Variants in BBS9 observed in about 807,000 individuals in gnomAD.
BBS9 encodes the protein Bardet-Biedl syndrome 9, also known as protein PTHB1.
BBS9 carries 89 observed loss-of-function variants against 117.7 expected under a neutral mutation model. That is an observed-to-expected ratio of 0.76 (90% confidence interval 0.64 to 0.90). The LOEUF (loss-of-function observed/expected upper bound fraction) is 0.90, where lower values mean the gene tolerates loss of function less well. Among genes scored for constraint, BBS9 ranks in the 40% least tolerant of loss-of-function variants. The probability of loss-of-function intolerance (pLI) is 0.00; values close to 1 mark genes in which losing one functional copy is unlikely to be tolerated. For synonymous variants in BBS9, 379 were observed against 370.9 expected (o/e 1.02, Z -0.25); for missense variants, 982 against 1,042.2 (o/e 0.94, Z 0.80).
intron 19 of BBS9, among the ~76,000 whole-genome samples, chr7:33,459,220 T>C (rs1034616996): frequency 6.6e-6 from 1 of 152,096 alleles, no homozygotes; most frequent in East Asian, 1.9e-4. Flanking sequence ...ATTGTTCTGC[T>C]TGTTTTAACT....
At chr7:33,227,161 C>G (rs1331170876) in intron 5 of BBS9, among the ~76,000 whole-genome samples, 1 of 146,152 alleles carries the variant, frequency 6.8e-6, no homozygotes, top group African/African-American at 2.5e-5. Context: ...TTACAGCCAT[C>G]AATTTTTTTT....
intron 20 of BBS9, 28 bp from the exon 21 acceptor site, chr7:33,533,926 T>G (rs776012420): frequency 6.2e-7 from 1 of 1,611,362 alleles, no homozygotes; most frequent in Non-Finnish European, 8.5e-7. Context: ...CATCTTTGTA[T>G]TAATTCAAAA....
chr7:33,322,899 T>G (rs1400445233), intron 9 of BBS9, among the ~76,000 whole-genome samples: 1 of 152,174 alleles, frequency 6.6e-6, no homozygotes, highest in African/African-American at 2.4e-5. Context: ...CTAGTACTGC[T>G]TTTGCTGTAT....
At chr7:33,357,051 G>A (rs1394221215) in intron 15 of BBS9, among the ~76,000 whole-genome samples, 1 of 151,698 alleles carries the variant, frequency 6.6e-6, no homozygotes, top group Non-Finnish European at 1.5e-5. Context: ...AGCCTAATTT[G>A]CTTTGGTTTC....
chr7:33,266,267 G>A (rs770989055), intron 7 of BBS9, among the ~76,000 whole-genome samples: 2 of 152,150 alleles, frequency 1.3e-5, no homozygotes, highest in African/African-American at 2.4e-5. Flanking sequence ...TAGTCACTTT[G>A]CAGGAATGTG....
intron 15 of BBS9, among the ~76,000 whole-genome samples, chr7:33,355,597 C>T (rs1173358976): frequency 1.3e-5 from 2 of 151,954 alleles, no homozygotes; most frequent in East Asian, 1.9e-4. Context: ...ATGAAACAGG[C>T]TTATAATTCC....
At chr7:33,338,835 A>G (rs992066440) in intron 10 of BBS9, among the ~76,000 whole-genome samples, 4 of 152,216 alleles carry the variant, frequency 2.6e-5, no homozygotes, top group African/African-American at 9.6e-5. Flanking sequence ...TGATTTAGAT[A>G]GTTGATCATG....
intron 19 of BBS9, among the ~76,000 whole-genome samples, chr7:33,439,757 G>C (rs1835877051): frequency 1.3e-5 from 2 of 152,178 alleles, no homozygotes; most frequent in Non-Finnish European, 2.9e-5. Flanking sequence ...TCGATCTCCT[G>C]ACCTCGTGGT....
At chr7:33,263,971 T>G (rs1174982429) in intron 6 of BBS9, among the ~76,000 whole-genome samples, 1 of 152,066 alleles carries the variant, frequency 6.6e-6, no homozygotes, top group Non-Finnish European at 1.5e-5. Flanking sequence ...GTCTATTTGG[T>G]GTTTAGGTGC....
chr7:33,535,581 C>G (rs1851241191), intron 21 of BBS9, among the ~76,000 whole-genome samples: 1 of 152,184 alleles, frequency 6.6e-6, no homozygotes, highest in South Asian at 2.1e-4. Flanking sequence ...TTTAGAACCT[C>G]TTTATCTTGC....
At chr7:33,420,888 T>C (rs1049029486) in intron 19 of BBS9, among the ~76,000 whole-genome samples, 6 of 152,166 alleles carry the variant, frequency 3.9e-5, no homozygotes, top group African/African-American at 1.4e-4. Context: ...AAGGTGAAAG[T>C]TTTTCTTCAC....
chr7:33,229,136 A>G (rs1240921545), intron 5 of BBS9, among the ~76,000 whole-genome samples: 1 of 152,168 alleles, frequency 6.6e-6, no homozygotes, highest in East Asian at 1.9e-4. Flanking sequence ...TACTATAGTG[A>G]AACAAATTAA....
At chr7:33,382,411 G>T (rs1825215143) in intron 17 of BBS9, among the ~76,000 whole-genome samples, 1 of 148,214 alleles carries the variant, frequency 6.7e-6, no homozygotes, top group Non-Finnish European at 1.5e-5. Flanking sequence ...AGTGAACTGA[G>T]ATCATGCCAC....
intron 21 of BBS9, among the ~76,000 whole-genome samples, chr7:33,551,100 G>A (rs1457268177): frequency 6.6e-6 from 1 of 152,100 alleles, no homozygotes; most frequent in East Asian, 1.9e-4. Flanking sequence ...TTTAGTACAG[G>A]TGTTTGCTTG....
intron 6 of BBS9, among the ~76,000 whole-genome samples, chr7:33,259,043 C>T (rs563595581): frequency 6.6e-6 from 1 of 152,084 alleles, no homozygotes; most frequent in South Asian, 2.1e-4. Context: ...AGAAGGTTTA[C>T]AACATTAAGT....
intron 21 of BBS9, among the ~76,000 whole-genome samples, chr7:33,565,528 T>A (rs1372756613): frequency 6.6e-6 from 1 of 151,994 alleles, no homozygotes; most frequent in African/African-American, 2.4e-5. Flanking sequence ...CTTTTGTTGT[T>A]TATCTTGGTT....
In BBS9 at chr7:33,338,859, A is replaced by C. The variant is rs117367650; in HGVS notation, c.1199-2038A>C. Among the ~76,000 whole-genome samples the C allele has an allele frequency of 3.6e-3, 544 of 152,324 alleles. 6 individuals are homozygous for C. The highest frequency in any genetic ancestry group is 5.8e-3 in the South Asian group (28 of 4,830). On this transcript the variant is annotated intron_variant, in intron 10 of 22. Transcript: ENST00000242067. ...TAGTTGATCATGTTGTCTACCTGGC[A>C]TGAGTATGAAGGACTGGGTGCAACA...
intron 21 of BBS9, among the ~76,000 whole-genome samples, chr7:33,569,748 C>T (rs1310969251): frequency 4.0e-5 from 6 of 151,848 alleles, no homozygotes; most frequent in African/African-American, 1.2e-4. Context: ...GGTGACAGAG[C>T]GAAACTCCGT....
chr7:33,157,213 G>T (rs899620018), intron 4 of BBS9, among the ~76,000 whole-genome samples: 6 of 152,028 alleles, frequency 3.9e-5, no homozygotes, highest in Admixed American at 3.9e-4. Flanking sequence ...GTTCCACTGG[G>T]GCTTAGAGCA....
Sources: gnomAD v4.1 joint callset for allele counts (sites outside exome capture counted in the v4.1 genomes callset) on GRCh38, gnomAD v4.1.1 for gene constraint, MANE v1.5 for transcripts, NCBI Gene and HGNC (gene_info 2026-07-23, HGNC 2026-07-21) for gene names.